The following UBE2E2 variants were observed in gnomAD, a reference collection of about 807,000 sequenced individuals.
The protein encoded by UBE2E2 is ubiquitin-conjugating enzyme E2 E2.
UBE2E2 carries 6 observed loss-of-function variants against 24.7 expected under a neutral mutation model. The ratio of observed to expected loss-of-function variants is 0.24; its 90% CI spans 0.13 to 0.48. UBE2E2 has a LOEUF of 0.48. Ranked by LOEUF, UBE2E2 falls within the 20% of genes least tolerant of loss-of-function variation. The probability of loss-of-function intolerance (pLI) is 0.99; values close to 1 mark genes in which losing one functional copy is unlikely to be tolerated. For synonymous variants in UBE2E2, 104 were observed against 83.6 expected (o/e 1.24, Z -1.33); for missense variants, 169 against 245.0 (o/e 0.69, Z 2.07).
At chr3:23,431,364 T>A (rs1698056563) in intron 3 of UBE2E2, among the ~76,000 whole-genome samples, 1 of 152,216 alleles carries the variant, frequency 6.6e-6, no homozygotes, top group Non-Finnish European at 1.5e-5. Context: ...TGTTCAAAGA[T>A]GCTTTCCTGA....
At position 23,434,397 on chromosome 3, in the gene UBE2E2, C is replaced by G. The variant is rs780701515; in HGVS notation, c.228-65211C>G. On this transcript the variant is annotated intron_variant, in intron 3 of 5. Transcript: ENST00000396703. ...TCTGAAGAGAATAAAGTTTGCATCC[C>G]CCAAATGACACAATTGTGCATTAGC... Among the ~76,000 whole-genome samples the G allele has an allele frequency of 7.9e-5, 12 of 152,006 alleles. No individual in the cohort carries two copies. In the South Asian group the frequency reaches 1.0e-3, roughly 13 times the overall value.
At chr3:23,244,509 C>T (rs80099969) in intron 3 of UBE2E2, among the ~76,000 whole-genome samples, 4,354 of 152,160 alleles carry the variant, frequency 0.029, 106 homozygotes, top group East Asian at 0.13. Flanking sequence ...AGTACAGCAA[C>T]ATAATTAACT....
intron 5 of UBE2E2, among the ~76,000 whole-genome samples, chr3:23,534,504 CA>C (rs1438615499): frequency 6.6e-6 from 1 of 152,162 alleles, no homozygotes; most frequent in East Asian, 1.9e-4. Flanking sequence ...CAGCCTGCCT[CA>C]TATGAGACTA....
intron 3 of UBE2E2, among the ~76,000 whole-genome samples, chr3:23,443,654 G>A (rs551070865): frequency 6.6e-6 from 1 of 152,334 alleles, no homozygotes; most frequent in South Asian, 2.1e-4. Context: ...CGAGGCATGA[G>A]GCAGGGAACT....
rs183089880 is a variant in UBE2E2, at chr3:23,240,311, G to C, written c.227+22999G>C. 9.9e-5 allele frequency among the ~76,000 whole-genome samples: 15 copies of C among 152,128 alleles called. No individual in the cohort carries two copies. The East Asian group carries it at 2.5e-3, about 25-fold the overall frequency. On this transcript the variant is annotated intron_variant, in intron 3 of 5. Transcript: ENST00000396703. ...GCTTAATTAAGTTTTGTTTCATACT[G>C]TTCTGGAGCTATACTAGTGGATTAC... is the stretch of plus-strand genomic sequence containing the variant.
At chr3:23,392,026 G>T (rs1361680046) in intron 3 of UBE2E2, among the ~76,000 whole-genome samples, 2 of 151,894 alleles carry the variant, frequency 1.3e-5, no homozygotes, top group Non-Finnish European at 2.9e-5. Flanking sequence ...TGTTTGTGCT[G>T]GCTTACATAT....
intron 5 of UBE2E2, among the ~76,000 whole-genome samples, chr3:23,569,500 C>G (rs1344416512): frequency 1.3e-5 from 2 of 152,186 alleles, no homozygotes; most frequent in Non-Finnish European, 2.9e-5. Flanking sequence ...CTCAATAAAG[C>G]TGTTTTTAAA....
At chr3:23,316,379 T>G (rs1339842954) in intron 3 of UBE2E2, among the ~76,000 whole-genome samples, 1 of 151,798 alleles carries the variant, frequency 6.6e-6, no homozygotes, top group Non-Finnish European at 1.5e-5. Flanking sequence ...GAGGAGTCTC[T>G]CCCTGGTCCA....
intron 3 of UBE2E2, among the ~76,000 whole-genome samples, chr3:23,352,339 C>G (rs1695779647): frequency 6.6e-6 from 1 of 152,010 alleles, no homozygotes; most frequent in Non-Finnish European, 1.5e-5. Flanking sequence ...AAAACAAGAG[C>G]AAACACATTC....
chr3:23,290,124 A>G (rs1307073136), intron 3 of UBE2E2, among the ~76,000 whole-genome samples: 2 of 152,234 alleles, frequency 1.3e-5, no homozygotes, highest in South Asian at 2.1e-4. Flanking sequence ...ATGTATGTAT[A>G]TGTCTACACA....
chr3:23,532,849 T>A, intron 5 of UBE2E2, 148 bp downstream of exon 5: 1 of 785,124 alleles, frequency 1.3e-6, no homozygotes, highest in Middle Eastern at 4.1e-4. Context: ...AACTATTTTC[T>A]TTTTAAATTG....
At chr3:23,349,005 C>T (rs961991552) in intron 3 of UBE2E2, among the ~76,000 whole-genome samples, 5 of 152,116 alleles carry the variant, frequency 3.3e-5, no homozygotes, top group African/African-American at 9.7e-5. Flanking sequence ...CCCACCACCT[C>T]CCCGCAGGAG....
At chr3:23,273,771 A>G (rs1698312578) in intron 3 of UBE2E2, 1 of 152,290 alleles carries the variant, frequency 6.6e-6, no homozygotes, top group African/African-American at 2.4e-5. Flanking sequence ...TTTTATTAGA[A>G]GTTGACATGG....
intron 3 of UBE2E2, among the ~76,000 whole-genome samples, chr3:23,274,783 G>C (rs772665999): frequency 3.9e-5 from 6 of 152,142 alleles, no homozygotes; most frequent in Non-Finnish European, 8.8e-5. Context: ...AATATTCTGA[G>C]TAGCTCTTAT....
chr3:23,469,269 G>A (rs1203814516), intron 3 of UBE2E2, among the ~76,000 whole-genome samples: 6 of 152,242 alleles, frequency 3.9e-5, no homozygotes, highest in Non-Finnish European at 8.8e-5. Flanking sequence ...ATTTGTGGGG[G>A]ACACAAACAT....
At chr3:23,292,772 C>T (rs1011750902) in intron 3 of UBE2E2, among the ~76,000 whole-genome samples, 2 of 152,130 alleles carry the variant, frequency 1.3e-5, no homozygotes, top group African/African-American at 4.8e-5. Context: ...TTTTTGTTCG[C>T]AGTTAAAATC....
intron 4 of UBE2E2, among the ~76,000 whole-genome samples, chr3:23,515,804 A>G (rs892278265): frequency 6.6e-6 from 1 of 151,568 alleles, no homozygotes; most frequent in Non-Finnish European, 1.5e-5. Context: ...AAAAAGAAAA[A>G]AAAAAAAAAG....
At chr3:23,288,523 C>G (rs1698678487) in intron 3 of UBE2E2, among the ~76,000 whole-genome samples, 1 of 152,154 alleles carries the variant, frequency 6.6e-6, no homozygotes, top group African/African-American at 2.4e-5. Flanking sequence ...GTTGAAGTCT[C>G]CAGCTATTAT....
intron 3 of UBE2E2, among the ~76,000 whole-genome samples, chr3:23,401,524 C>CTGA (rs1697221962): frequency 2.0e-5 from 3 of 152,234 alleles, no homozygotes; most frequent in Middle Eastern, 6.8e-3. Flanking sequence ...GCGCTCTTGT[C>CTGA]TGATGGCCTT....
Sources: gnomAD v4.1 joint callset for allele counts (sites outside exome capture counted in the v4.1 genomes callset) on GRCh38, gnomAD v4.1.1 for gene constraint, MANE v1.5 for transcripts, NCBI Gene and HGNC (gene_info 2026-07-23, HGNC 2026-07-21) for gene names.